MICU1: variants seen among roughly 807,000 people sequenced by gnomAD.
The protein encoded by MICU1 is mitochondrial calcium uptake 1, also known as calcium uptake protein 1, mitochondrial.
MICU1 carries 45 observed loss-of-function variants against 56.8 expected under a neutral mutation model. The observed-to-expected ratio is 0.79, with a 90% CI of 0.62 to 1.02. The LOEUF is 1.02. Among genes scored for constraint, MICU1 ranks in the 50% least tolerant of loss-of-function variants. The pLI, the probability that MICU1 is intolerant of heterozygous loss-of-function variation, is 0.00. For missense variants in MICU1, 504 were observed against 587.1 expected (o/e 0.86, Z 1.46); for synonymous variants, 186 against 195.1 (o/e 0.95, Z 0.39).
At chr10:72,615,209 C>T (rs913102095) in intron 1 of MICU1, among the ~76,000 whole-genome samples, 1 of 152,178 alleles carries the variant, frequency 6.6e-6, no homozygotes, top group Non-Finnish European at 1.5e-5. Context: ...CCTCTGCCTC[C>T]TGGGCTCAAG....
At chr10:72,385,818 G>T (rs1053637961) in intron 10 of MICU1, among the ~76,000 whole-genome samples, 1 of 152,208 alleles carries the variant, frequency 6.6e-6, no homozygotes, top group African/African-American at 2.4e-5. Context: ...CCATAACTAT[G>T]TTATGTAAGA....
chr10:72,477,627 G>T, intron 6 of MICU1: 1 of 1,271,590 alleles, frequency 7.9e-7, no homozygotes, highest in Non-Finnish European at 1.1e-6. Context: ...TATGTCTAGG[G>T]TGAGACATAT....
At chr10:72,507,148 G>A (rs1337938283) in intron 6 of MICU1, among the ~76,000 whole-genome samples, 7 of 149,522 alleles carry the variant, frequency 4.7e-5, no homozygotes, top group African/African-American at 1.7e-4. Flanking sequence ...ATTTTTGTTT[G>A]ATATGTCCCA....
intron 2 of MICU1, among the ~76,000 whole-genome samples, chr10:72,564,672 G>C (rs1009819041): frequency 3.3e-5 from 5 of 152,014 alleles, no homozygotes; most frequent in Middle Eastern, 3.4e-3. Context: ...AAACTAAAGT[G>C]ACAGAGATCA....
chr10:72,557,406 C>T (rs1297163592), intron 3 of MICU1, among the ~76,000 whole-genome samples: 3 of 152,170 alleles, frequency 2.0e-5, no homozygotes, highest in Non-Finnish European at 4.4e-5. Context: ...AGACATGGTT[C>T]AAATTACTCC....
chr10:72,576,225 C>CAAAAAAA (rs34829939), intron 1 of MICU1, among the ~76,000 whole-genome samples: 3 of 68,192 alleles, frequency 4.4e-5, no homozygotes, highest in African/African-American at 6.0e-5. Flanking sequence ...AAAAAAACAC[C>CAAAAAAA]AAAAAAAAAA....
chr10:72,515,280 G>A (rs960936041), intron 5 of MICU1, among the ~76,000 whole-genome samples: 4 of 152,096 alleles, frequency 2.6e-5, no homozygotes, highest in African/African-American at 4.8e-5. Context: ...TAAGTCTTTC[G>A]TTAGATTCTA....
chr10:72,571,683 A>G (rs1283406195), intron 1 of MICU1, among the ~76,000 whole-genome samples: 1 of 152,236 alleles, frequency 6.6e-6, no homozygotes, highest in South Asian at 2.1e-4. Flanking sequence ...GCCAGAAGGC[A>G]TTAATAACCT....
rs574455120 is a variant in MICU1 at position 72,379,130 on chromosome 10, A to G, written c.1181-3258T>C. 1.2e-4 allele frequency among the ~76,000 whole-genome samples: 18 copies of G among 152,360 alleles called. No homozygotes were observed. In the East Asian group the frequency reaches 3.5e-3, roughly 29 times the overall value. On this transcript the variant is annotated intron_variant, in intron 10 of 11. Coordinates refer to ENST00000361114, the MANE Select transcript of MICU1 (RefSeq NM_001195518.2). ...CAGGAAAAACTTATTCCTGCTAACT[A>G]AACTGTCCACAGAAGGAACAGAAAT...
Position 72,408,004 on chromosome 10 carries a change from T to G in MICU1, c.1105A>C (p.Thr369Pro). The G allele has an allele frequency of 6.2e-7, 1 of 1,613,722 alleles. No homozygotes were observed. The highest frequency in any genetic ancestry group is 1.3e-5 in the African/African-American group (1 of 75,022). Residue 369 changes from threonine (T) to proline (P), a missense_variant, in exon 10 of 12, where the codon ACT becomes CCT. By Grantham distance (38) the Thr-to-Pro change is conservative. Coordinates refer to ENST00000361114, the MANE Select transcript of MICU1 (RefSeq NM_001195518.2). Reference protein sequence around the residue: ...LTFQEVENFFTFLKNINDVDT... With the variant: ...LTFQEVENFFPFLKNINDVDT... ...ACATCATTAATGTTCTTTAGGAAAG[T>G]AAAGAAGTTCTCCACCTCCTGAAAT...
intron 6 of MICU1, among the ~76,000 whole-genome samples, chr10:72,499,712 G>T (rs1189187555): frequency 1.3e-5 from 2 of 152,156 alleles, no homozygotes; most frequent in African/African-American, 4.8e-5. Context: ...AGAAGGATTT[G>T]TAACTGCTTT....
At chr10:72,611,850 T>A (rs1377034026) in intron 1 of MICU1, among the ~76,000 whole-genome samples, 1 of 151,978 alleles carries the variant, frequency 6.6e-6, no homozygotes, top group Non-Finnish European at 1.5e-5. Flanking sequence ...ATCTGGGCAC[T>A]GTGGTGTGTC....
At position 72,512,103 on chromosome 10, in the gene MICU1, TTTTG is replaced by T. The variant is rs1200404719; in HGVS notation, c.538-3838_538-3835del. Among the ~76,000 whole-genome samples, 208 of 83,414 alleles carry T rather than the reference TTTTG, an allele frequency of 2.5e-3. 9 individuals are homozygous for T. The highest frequency in any genetic ancestry group is 0.01 in the African/African-American group (200 of 19,950). 54.7% of individuals were successfully genotyped at this position (83,414 alleles called of 152,430 possible). ...AATCTGGCATCCATACACAGTTGTT[TTTTG>T]TTTTTTTTTTTTTTTTTTTTTTTGA... On this transcript the variant is annotated intron_variant, in intron 5 of 11. Transcript: ENST00000361114.
intron 11 of MICU1, among the ~76,000 whole-genome samples, chr10:72,373,508 T>G (rs1356319657): frequency 6.6e-6 from 1 of 152,194 alleles, no homozygotes; most frequent in Non-Finnish European, 1.5e-5. Context: ...GATCTTGCAG[T>G]GGTAAAAATA....
intron 6 of MICU1, among the ~76,000 whole-genome samples, chr10:72,485,360 G>C (rs1866434456): frequency 6.6e-6 from 1 of 151,896 alleles, no homozygotes; most frequent in Admixed American, 6.6e-5. Flanking sequence ...TTGCAGGTGT[G>C]AGCCATCTTG....
At chr10:72,452,926 G>A (rs945635203) in intron 8 of MICU1, among the ~76,000 whole-genome samples, 1 of 151,704 alleles carries the variant, frequency 6.6e-6, no homozygotes, top group Non-Finnish European at 1.5e-5. Context: ...GACTGGGAAG[G>A]TGAGTCTTTT....
chr10:72,492,064 GA>G (rs1356207060), intron 6 of MICU1, among the ~76,000 whole-genome samples: 1 of 152,072 alleles, frequency 6.6e-6, no homozygotes, highest in East Asian at 1.9e-4. Context: ...AGTGAAAAAA[GA>G]AAAACAGCAT....
At chr10:72,525,218 T>A (rs1174663350) in intron 5 of MICU1, among the ~76,000 whole-genome samples, 1 of 151,336 alleles carries the variant, frequency 6.6e-6, no homozygotes, top group African/African-American at 2.4e-5. Context: ...TTAGCTAATT[T>A]AGCTGGGTAC....
chr10:72,436,335 G>A (rs1373035481), intron 8 of MICU1, among the ~76,000 whole-genome samples: 2 of 152,118 alleles, frequency 1.3e-5, no homozygotes, highest in African/African-American at 4.8e-5. Context: ...ACTGTTAGAA[G>A]GAAAACTAAC....
Sources: gnomAD v4.1 joint callset for allele counts (sites outside exome capture counted in the v4.1 genomes callset) on GRCh38, gnomAD v4.1.1 for gene constraint, MANE v1.5 for transcripts, NCBI Gene and HGNC (gene_info 2026-07-23, HGNC 2026-07-21) for gene names.